Variants in SYNE3 observed in about 807,000 individuals in gnomAD.
SYNE3 encodes the protein spectrin repeat containing nuclear envelope family member 3, also known as nesprin-3.
A neutral mutation model predicts 111.2 loss-of-function variants in SYNE3; 100 were observed. The ratio of observed to expected loss-of-function variants is 0.90; its 90% CI spans 0.77 to 1.06. The LOEUF (loss-of-function observed/expected upper bound fraction) is 1.06, where lower values mean the gene tolerates loss of function less well. Ranked by LOEUF, SYNE3 falls within the 50% of genes least tolerant of loss-of-function variation. The pLI is 0.00. For synonymous variants in SYNE3, 547 were observed against 533.9 expected (o/e 1.02, Z -0.34); for missense variants, 1,160 against 1,240.3 (o/e 0.94, Z 0.97).
intron 8 of SYNE3, among the ~76,000 whole-genome samples, chr14:95,448,765 G>A (rs112566693): frequency 3.9e-5 from 6 of 152,322 alleles, no homozygotes; most frequent in Admixed American, 1.3e-4. Context: ...AAGGGTAGAC[G>A]TTTCAAAATG....
At chr14:95,459,765 G>T (rs1223003987) in intron 4 of SYNE3, among the ~76,000 whole-genome samples, 2 of 152,184 alleles carry the variant, frequency 1.3e-5, no homozygotes, top group Admixed American at 6.5e-5. Context: ...AAATGGGGAA[G>T]CCCAGGCTTA....
At position 95,415,995 on chromosome 14, in the gene SYNE3, C is replaced by T. The variant is rs1903569586; in HGVS notation, c.*1831G>A. On this transcript the variant is annotated 3_prime_UTR_variant, in exon 18 of 18. Transcript: ENST00000682763. ...GGGCAAAAAGAGCGAAACTCCATCTCAAAATAATTATAATAACAATAATAA... is the reference window on the plus strand; with the variant it reads ...GGGCAAAAAGAGCGAAACTCCATCTTAAAATAATTATAATAACAATAATAA... 1 of 151,780 alleles carries T rather than the reference C, an allele frequency of 6.6e-6. No individual in the cohort carries two copies. The highest frequency in any genetic ancestry group is 6.6e-5 in the Admixed American group (1 of 15,236). The allele number at this position is 151,780 out of a possible 1,614,324, so 9.4% of individuals were successfully genotyped here.
intron 16 of SYNE3, among the ~76,000 whole-genome samples, chr14:95,432,796 C>T (rs557605183): frequency 6.6e-6 from 1 of 152,100 alleles, no homozygotes; most frequent in East Asian, 1.9e-4. Context: ...CCAGTGCTTC[C>T]CCAGGTCACG....
At chr14:95,504,663 G>A (rs914845538) in intron 1 of SYNE3, among the ~76,000 whole-genome samples, 5 of 152,200 alleles carry the variant, frequency 3.3e-5, no homozygotes, top group African/African-American at 9.6e-5. Flanking sequence ...AGGGCCTCAC[G>A]GTGTGAATTA....
intron 1 of SYNE3, among the ~76,000 whole-genome samples, chr14:95,513,737 T>TTATATACATATA (rs1555359765): frequency 1.1e-4 from 10 of 92,506 alleles, no homozygotes; most frequent in South Asian, 4.3e-4. Flanking sequence ...GCTGCTTAGA[T>TTATATACATATA]TATATATATA....
At chr14:95,497,026 T>C (rs987411828) in intron 1 of SYNE3, among the ~76,000 whole-genome samples, 1 of 152,220 alleles carries the variant, frequency 6.6e-6, no homozygotes, top group Admixed American at 6.5e-5. Context: ...GAAATAAAAT[T>C]TGTGGTCACT....
chr14:95,476,942 T>C (rs974734674), intron 1 of SYNE3, among the ~76,000 whole-genome samples: 1 of 152,262 alleles, frequency 6.6e-6, no homozygotes, highest in Non-Finnish European at 1.5e-5. Flanking sequence ...CACTTTAGAA[T>C]ATTATGCAGC....
At chr14:95,504,357 A>T (rs891087382) in intron 1 of SYNE3, among the ~76,000 whole-genome samples, 15 of 152,204 alleles carry the variant, frequency 9.9e-5, no homozygotes, top group African/African-American at 2.7e-4. Flanking sequence ...CCCTCTGCCT[A>T]TCAGCACAGC....
intron 1 of SYNE3, among the ~76,000 whole-genome samples, chr14:95,512,491 T>G (rs1595266989): frequency 6.6e-6 from 1 of 151,136 alleles, no homozygotes; most frequent in African/African-American, 2.4e-5. Context: ...GAGGTGGAGG[T>G]TGCTGTGAGC....
rs1317752584 is a variant in SYNE3, at chr14:95,416,165, G to A, written c.*1661C>T. 6.6e-6 allele frequency: 1 copy of A among 152,154 alleles called. No homozygotes were observed. Among genetic ancestry groups the A allele is most frequent in the Non-Finnish European group, 1.5e-5 (1 of 68,014 alleles). The allele number at this position is 152,154 out of a possible 1,614,324, so 9.4% of individuals were successfully genotyped here. A position where few individuals can be genotyped will look rare whatever the true frequency, so the allele number is the denominator to read the frequency against. ...CCAAGGGCTCTCCTTGGCAGCACGG[G>A]TTTCCTGCCGGTGAAATGTCCTAGT... On this transcript the variant is annotated 3_prime_UTR_variant, in exon 18 of 18. Coordinates refer to ENST00000682763, the MANE Select transcript of SYNE3 (RefSeq NM_152592.6).
chr14:95,506,449 G>A (rs1050617052), intron 1 of SYNE3, among the ~76,000 whole-genome samples: 4 of 152,228 alleles, frequency 2.6e-5, no homozygotes, highest in Non-Finnish European at 4.4e-5. Flanking sequence ...GCGCAGGCTT[G>A]GCTGGGTCGA....
intron 16 of SYNE3, among the ~76,000 whole-genome samples, chr14:95,432,437 G>A (rs2139373039): frequency 6.6e-6 from 1 of 152,284 alleles, no homozygotes; most frequent in Non-Finnish European, 1.5e-5. Context: ...GGGGCGCCCA[G>A]CTTGGGGCTG....
intron 1 of SYNE3, among the ~76,000 whole-genome samples, chr14:95,486,595 C>T (rs1356134443): frequency 6.6e-6 from 1 of 152,164 alleles, no homozygotes; most frequent in Non-Finnish European, 1.5e-5. Flanking sequence ...TGACCACACA[C>T]ACGTCACCAC....
intron 1 of SYNE3, among the ~76,000 whole-genome samples, chr14:95,494,142 A>C (rs1278107074): frequency 1.2e-5 from 1 of 83,536 alleles, no homozygotes; most frequent in African/African-American, 6.1e-5. Flanking sequence ...ACTCTTAAAA[A>C]AAAGAAAAAA....
chr14:95,459,146 A>G (rs1163086566), intron 4 of SYNE3, among the ~76,000 whole-genome samples: 1 of 152,256 alleles, frequency 6.6e-6, no homozygotes, highest in Non-Finnish European at 1.5e-5. Context: ...GCCCATGAGT[A>G]GCCACAGATA....
In SYNE3 at chr14:95,475,677, C is replaced by G; in HGVS notation, c.144+1G>C. 2 of 1,550,744 alleles carry G rather than the reference C, an allele frequency of 1.3e-6. No individual in the cohort carries two copies. Among genetic ancestry groups the G allele is most frequent in the Non-Finnish European group, 1.7e-6 (2 of 1,152,590 alleles). On this transcript the variant is annotated splice_donor_variant, in intron 2 of 17. Coordinates refer to ENST00000682763, the MANE Select transcript of SYNE3 (RefSeq NM_152592.6). LOFTEE classifies it high-confidence loss of function. Reference sequence around the variant, plus strand: ...CCATCTGAGGCCACGCCTCTGCATACCTCGGTCTCCCACAGCCTGGCCTCC... The same window carrying G: ...CCATCTGAGGCCACGCCTCTGCATAGCTCGGTCTCCCACAGCCTGGCCTCC...
chr14:95,441,150 A>C (rs1886393706), intron 11 of SYNE3, among the ~76,000 whole-genome samples: 1 of 151,742 alleles, frequency 6.6e-6, no homozygotes, highest in Non-Finnish European at 1.5e-5. Flanking sequence ...GGTCATCATG[A>C]CTCTCTGCAG....
At chr14:95,486,334 C>T (rs1296556811) in intron 1 of SYNE3, among the ~76,000 whole-genome samples, 2 of 152,126 alleles carry the variant, frequency 1.3e-5, no homozygotes, top group East Asian at 3.9e-4. Flanking sequence ...CCCTTGACAA[C>T]ATGGCACTGA....
In SYNE3 at chr14:95,436,997, C is replaced by T. The variant is rs183905400; in HGVS notation, c.2377-16G>A. Reference sequence around the variant, plus strand: ...GAAGATTTGCCTGTAGGATCACACACGGCCAAAGCGTCAGAGGTGAAAGAG... The same window carrying T: ...GAAGATTTGCCTGTAGGATCACACATGGCCAAAGCGTCAGAGGTGAAAGAG... On this transcript the variant is annotated splice_polypyrimidine_tract_variant and intron_variant, in intron 14 of 17. Coordinates refer to ENST00000682763, the MANE Select transcript of SYNE3 (RefSeq NM_152592.6). The T allele has an allele frequency of 1.2e-4, 201 of 1,614,002 alleles. No homozygotes were observed. Among genetic ancestry groups the T allele is most frequent in the East Asian group, 2.2e-4 (10 of 44,880 alleles).
Sources: allele counts gnomAD v4.1 joint callset (sites outside exome capture counted in the v4.1 genomes callset), GRCh38; gene constraint gnomAD v4.1.1; transcripts MANE v1.5; gene names NCBI Gene and HGNC (gene_info 2026-07-23, HGNC 2026-07-21).